ZBTB38: variants seen among roughly 807,000 people sequenced by gnomAD.
ZBTB38 encodes the protein zinc finger and BTB domain-containing protein 38.
ZBTB38 carries 20 observed loss-of-function variants against 76.8 expected under a neutral mutation model. The ratio of observed to expected loss-of-function variants is 0.26; its 90% confidence interval spans 0.18 to 0.38. The LOEUF is 0.38. Ranked by LOEUF, ZBTB38 falls within the 10% of genes least tolerant of loss-of-function variation. ZBTB38 has a pLI of 1.00. For missense variants in ZBTB38, 1,082 were observed against 1,482.3 expected, an observed-to-expected ratio of 0.73 and a Z score of 4.43; for synonymous variants, 504 against 544.2, an observed-to-expected ratio of 0.93 and a Z score of 1.03.
At chr3:141,334,452 TCTTCCTTC>T (rs57217285) in intron 1 of ZBTB38, among the ~76,000 whole-genome samples, 43 of 129,146 alleles carry the variant, frequency 3.3e-4, no homozygotes, top group Middle Eastern at 3.8e-3. Context: ...TTCTTTCCTT[TCTTCCTTC>T]CTTCCTTCCT....
rs1217952363 is a variant in ZBTB38 at position 141,444,887 on chromosome 3, T to C, written c.2499T>C (p.Val833=). The C allele has an allele frequency of 1.2e-6, 2 of 1,614,026 alleles. No individual in the cohort carries two copies. The highest frequency in any genetic ancestry group is 1.3e-5 in the African/African-American group (1 of 74,922). Residue 833 remains valine, a synonymous_variant, in exon 6 of 6, where the codon GTT becomes GTC. Transcript: ENST00000321464. This position sits in a 1 kb window ranked among gnomAD's most constrained non-coding sequence, Gnocchi z 5.1. ...CGGGAACCTCCACAAATAGTAATGTTGCACCCCTTTGCCAAATAACAGTGA... is the reference window on the plus strand; with the variant it reads ...CGGGAACCTCCACAAATAGTAATGTCGCACCCCTTTGCCAAATAACAGTGA... ...ALPGTSTNSN[V]APLCQITVKI...
intron 1 of ZBTB38, among the ~76,000 whole-genome samples, chr3:141,351,901 C>A (rs558948599): frequency 2.0e-5 from 3 of 151,940 alleles, no homozygotes; most frequent in Admixed American, 1.3e-4. Context: ...GAGGAAGATA[C>A]CATTTGAACC....
rs1233978350 is a variant in ZBTB38, at chr3:141,346,442, C to T, written c.-739+21986C>T. ...CCTTTAATTTATCCCACCCTTTCTC[C>T]TTTCCTCCCTTCTACCCATTTTTGT... On this transcript the variant is annotated intron_variant, in intron 1 of 7. Coordinates refer to the ZBTB38 transcript ENST00000509842. 3.9e-5 allele frequency among the ~76,000 whole-genome samples: 6 copies of T among 152,296 alleles called. No individual in the cohort carries two copies. The East Asian group carries it at 9.7e-4, about 25-fold the overall frequency.
At chr3:141,385,674 G>A (rs115822270) in intron 3 of ZBTB38, among the ~76,000 whole-genome samples, 27 of 151,922 alleles carry the variant, frequency 1.8e-4, no homozygotes, top group East Asian at 9.7e-4. Flanking sequence ...GTGTGTGTGT[G>A]TGTGTGCGCG....
chr3:141,364,201 C>G (rs1367605982), upstream of ZBTB38, among the ~76,000 whole-genome samples: 98 of 139,056 alleles, frequency 7.0e-4, no homozygotes, highest in Middle Eastern at 0.011. Context: ...CTGAGGCAGG[C>G]AGATCACCTG....
intron 1 of ZBTB38, among the ~76,000 whole-genome samples, chr3:141,337,397 G>A (rs543969705): frequency 3.3e-5 from 5 of 152,320 alleles, no homozygotes; most frequent in African/African-American, 4.8e-5. Context: ...TGGATGAGGC[G>A]TTGCCTGTGG....
intron 5 of ZBTB38, among the ~76,000 whole-genome samples, chr3:141,404,254 C>A (rs1348818110): frequency 6.6e-6 from 1 of 152,180 alleles, no homozygotes; most frequent in Admixed American, 6.5e-5. Context: ...GTTTCTTGTT[C>A]CAGTTCTGTC....
intron 5 of ZBTB38, among the ~76,000 whole-genome samples, chr3:141,410,666 A>T (rs1956325397): frequency 6.6e-6 from 1 of 152,204 alleles, no homozygotes. Context: ...GTCCAGTTGG[A>T]GCCCTTGGGT....
intron 1 of ZBTB38, among the ~76,000 whole-genome samples, chr3:141,327,032 AT>A (rs899416768): frequency 6.6e-6 from 1 of 152,176 alleles, no homozygotes; most frequent in African/African-American, 2.4e-5. Context: ...AGGTGTTTGT[AT>A]TTAGATACAT....
At chr3:141,331,563 G>T (rs1299209831) in intron 1 of ZBTB38, among the ~76,000 whole-genome samples, 2 of 151,406 alleles carry the variant, frequency 1.3e-5, no homozygotes, top group African/African-American at 4.9e-5. Context: ...TTTTTTTATT[G>T]CTCACACACA....
chr3:141,375,549 T>C (rs1293265315), intron 2 of ZBTB38, among the ~76,000 whole-genome samples: 2 of 152,156 alleles, frequency 1.3e-5, no homozygotes, highest in African/African-American at 4.8e-5. Context: ...ATCCCTGAGG[T>C]GGTAGCACTG....
Position 141,445,252 on chromosome 3 carries a change from C to T in ZBTB38, c.2864C>T (p.Pro955Leu). ...AGCCCGAGCCATAAATGTAAATACCCAGCAGAACTGGATTGCGCCGTGGGG... is the reference window on the plus strand; with the variant it reads ...AGCCCGAGCCATAAATGTAAATACCTAGCAGAACTGGATTGCGCCGTGGGG... ...NRSPSHKCKYPAELDCAVGKA... is the reference protein window; with the variant it reads ...NRSPSHKCKYLAELDCAVGKA... The change falls in exon 6 of 6, where the codon CCA (proline) becomes CTA (leucine). Residue 955 changes from proline to leucine, a missense_variant. Physicochemically the swap from Pro to Leu is moderately conservative, Grantham distance 98 (BLOSUM62 -3). Around this residue, in one of 8 missense-constraint regions of ZBTB38, gnomAD observed 471 missense variants for 581.0 expected, o/e 0.81. Coordinates refer to ENST00000321464, the MANE Select transcript of ZBTB38 (RefSeq NM_001376113.1). The surrounding 1 kb of genome is among the most constrained non-coding windows in gnomAD (Gnocchi z 6.5). 6.2e-7 allele frequency: 1 copy of T among 1,614,140 alleles called. No individual in the cohort carries two copies. The highest frequency in any genetic ancestry group is 8.5e-7 in the Non-Finnish European group (1 of 1,180,020).
At chr3:141,325,480 T>A (rs757477280) in intron 1 of ZBTB38, among the ~76,000 whole-genome samples, 130 of 152,008 alleles carry the variant, frequency 8.6e-4, no homozygotes, top group Non-Finnish European at 1.9e-4. Context: ...TTGTACAGAG[T>A]CAGGCTGTTA....
At chr3:141,371,381 T>G (rs2149028394) in intron 2 of ZBTB38, among the ~76,000 whole-genome samples, 1 of 151,642 alleles carries the variant, frequency 6.6e-6, no homozygotes, top group African/African-American at 2.4e-5. Flanking sequence ...GAGACAGGGT[T>G]TCACTCTGTC....
At chr3:141,382,718 C>A (rs1946370434) in intron 3 of ZBTB38, among the ~76,000 whole-genome samples, 1 of 152,190 alleles carries the variant, frequency 6.6e-6, no homozygotes, top group Non-Finnish European at 1.5e-5. Flanking sequence ...GTCTTTTCCA[C>A]CTGCTGGGCC....
intron 1 of ZBTB38, among the ~76,000 whole-genome samples, chr3:141,362,688 T>A (rs1203072461): frequency 6.6e-6 from 1 of 152,036 alleles, no homozygotes; most frequent in Non-Finnish European, 1.5e-5. Context: ...TGATTAGGAC[T>A]GGAGAAAAGA....
At position 141,396,151 on chromosome 3, in the gene ZBTB38, A is replaced by C. The variant is rs570475887; in HGVS notation, c.-105-7776A>C. On this transcript the variant is annotated intron_variant, in intron 4 of 5. Coordinates refer to ENST00000321464, the MANE Select transcript of ZBTB38 (RefSeq NM_001376113.1). ...GGCACTGTTTGATAGCATTTTACCC[A>C]CAGTAGAAATTTCTTTCAAAAGTAG... is the stretch of plus-strand genomic sequence containing the variant. 6 of 152,330 alleles carry C rather than the reference A, an allele frequency of 3.9e-5. No individual in the cohort carries two copies. The South Asian group carries it at 1.2e-3, about 32-fold the overall frequency. 9.4% of individuals were successfully genotyped at this position (152,330 alleles called of 1,614,324 possible).
At chr3:141,418,050 C>G (rs2074478930) in intron 5 of ZBTB38, among the ~76,000 whole-genome samples, 1 of 152,112 alleles carries the variant, frequency 6.6e-6, no homozygotes, top group African/African-American at 2.4e-5. Context: ...GCCCAATACT[C>G]AGGCCCCACC....
intron 5 of ZBTB38, among the ~76,000 whole-genome samples, chr3:141,416,180 G>C (rs2074008119): frequency 1.3e-5 from 2 of 152,110 alleles, no homozygotes; most frequent in African/African-American, 4.8e-5. Context: ...AAACTACTAG[G>C]GTGGTGAGAA....
Sources: allele counts gnomAD v4.1 joint callset (sites outside exome capture counted in the v4.1 genomes callset), GRCh38; gene constraint gnomAD v4.1.1; regional missense constraint gnomAD v4.1.1; non-coding constraint Gnocchi (gnomAD v3.1); transcripts MANE v1.5; gene names NCBI Gene and HGNC (gene_info 2026-07-23, HGNC 2026-07-21).